CEP295: variants seen among roughly 807,000 people sequenced by gnomAD.
CEP295 encodes centrosomal protein of 295 kDa.
A neutral mutation model predicts 291.6 loss-of-function variants in CEP295; 190 were observed. The observed-to-expected ratio is 0.65, with a 90% CI of 0.58 to 0.73. CEP295 has a LOEUF of 0.73. Among genes scored for constraint, CEP295 ranks in the 30% least tolerant of loss-of-function variants. The probability of loss-of-function intolerance (pLI) is 0.00; values close to 1 mark genes in which losing one functional copy is unlikely to be tolerated. For missense variants in CEP295, 2,863 were observed against 2,949.4 expected (o/e 0.97, Z 0.68); for synonymous variants, 993 against 1,038.8 (o/e 0.96, Z 0.85).
rs1950303967 is a variant in CEP295 at position 93,668,811 on chromosome 11, C to G, written c.313C>G (p.Pro105Ala). ...TTTAAGTAATATATATTTTTAGGAA[C>G]CTGATTTGGATGCTTTGGCACAGCG... ...EGHRQAKENE[P>A]DLDALAQRAA... Residue 105 changes from proline to alanine, a missense_variant, in exon 4 of 30, where the codon CCT becomes GCT. Around this residue, in one of 3 missense-constraint regions of CEP295, gnomAD observed 554 missense variants for 576.0 expected, o/e 0.96. Transcript: ENST00000325212. The G allele has an allele frequency of 2.0e-6, 3 of 1,512,400 alleles. No homozygotes were observed. The highest frequency in any genetic ancestry group is 2.5e-5 in the Admixed American group (1 of 40,356). The allele number at this position is 1,512,400 out of a possible 1,614,324, so 93.7% of individuals were successfully genotyped here.
At chr11:93,712,435 G>A (rs1367695135) in intron 18 of CEP295, among the ~76,000 whole-genome samples, 1 of 152,036 alleles carries the variant, frequency 6.6e-6, no homozygotes, top group Non-Finnish European at 1.5e-5. Context: ...TGTATTTTTA[G>A]TAGAGACGGG....
chr11:93,684,907 C>T (rs1951153460), intron 9 of CEP295, among the ~76,000 whole-genome samples: 1 of 152,118 alleles, frequency 6.6e-6, no homozygotes, highest in Admixed American at 6.5e-5. Flanking sequence ...TCAGTTATTT[C>T]TAGGTACTTC....
At position 93,697,150 on chromosome 11, in the gene CEP295, G is replaced by T. The variant is rs1403856728; in HGVS notation, c.2238G>T (p.Gln746His). Reference protein sequence around the residue: ...ALSHDRQLISQDARKISETFG... With the variant: ...ALSHDRQLISHDARKISETFG... Reference sequence around the variant, plus strand: ...CACATGACAGGCAGCTAATATCACAGGATGCTAGAAAAATATCTGAAACAT... The same window carrying T: ...CACATGACAGGCAGCTAATATCACATGATGCTAGAAAAATATCTGAAACAT... Residue 746 changes from glutamine (Q) to histidine (H), a missense_variant, in exon 15 of 30, where the codon CAG (glutamine) becomes CAT (histidine). Physicochemically the swap from Gln to His is conservative, Grantham distance 24. Transcript: ENST00000325212. 3 of 1,551,736 alleles carry T rather than the reference G, an allele frequency of 1.9e-6. No homozygotes were observed. In the Admixed American group the frequency reaches 5.9e-5, roughly 30 times the overall value.
chr11:93,709,998 C>T (rs1162820726), intron 18 of CEP295, among the ~76,000 whole-genome samples: 1 of 152,156 alleles, frequency 6.6e-6, no homozygotes, highest in African/African-American at 2.4e-5. Context: ...TTGTATCCTG[C>T]AACCGTACTG....
rs1272653367 is a variant in CEP295 at position 93,698,868 on chromosome 11, G to T, written c.3956G>T (p.Ser1319Ile). ...ATCCTGGAACCTCTTTTTACAGAGA[G>T]TGAAAGTAAAATTTTTTCAAGCCAC... Reference protein sequence around the residue: ...GTILEPLFTESESKIFSSHLQ... With the variant: ...GTILEPLFTEIESKIFSSHLQ... Residue 1319 changes from serine (S) to isoleucine (I), a missense_variant, in exon 15 of 30, where the codon AGT becomes ATT. By Grantham distance (142) the Ser-to-Ile change is moderately radical (BLOSUM62 -2). This residue lies in a region of CEP295 where 2,295 missense variants were observed against 2,335.7 expected (regional missense o/e 0.98). Coordinates refer to ENST00000325212, the MANE Select transcript of CEP295 (RefSeq NM_033395.2). 1.3e-6 allele frequency: 2 copies of T among 1,551,630 alleles called. No homozygotes were observed. Among genetic ancestry groups the T allele is most frequent in the African/African-American group, 2.7e-5 (2 of 73,064 alleles).
At chr11:93,696,546 G>C in intron 14 of CEP295, 129 bp downstream of exon 14, 1 of 1,032,620 alleles carries the variant, frequency 9.7e-7, no homozygotes, top group African/African-American at 1.6e-5. Context: ...CATTCTTAAA[G>C]GACAATGTGA....
chr11:93,689,856 T>A (rs915895409), intron 10 of CEP295, among the ~76,000 whole-genome samples: 8 of 152,206 alleles, frequency 5.3e-5, no homozygotes, highest in Admixed American at 5.2e-4. Flanking sequence ...ATTGAATAAT[T>A]TAAAGCAAGA....
At chr11:93,703,712 T>C (rs1313799224) in intron 17 of CEP295, among the ~76,000 whole-genome samples, 2 of 151,786 alleles carry the variant, frequency 1.3e-5, no homozygotes, top group African/African-American at 4.8e-5. Flanking sequence ...TTCACTGTAC[T>C]ACTTTCTACA....
intron 1 of CEP295, among the ~76,000 whole-genome samples, chr11:93,664,644 T>C (rs1450739831): frequency 6.6e-6 from 1 of 152,222 alleles, no homozygotes; most frequent in Non-Finnish European, 1.5e-5. Context: ...CTTACTGAAG[T>C]AACTACCTAT....
chr11:93,673,073 C>T (rs558013369), intron 5 of CEP295, among the ~76,000 whole-genome samples: 2 of 152,286 alleles, frequency 1.3e-5, no homozygotes, highest in South Asian at 4.1e-4. Context: ...TACTAAGATT[C>T]TTCGTAGAGT....
chr11:93,703,105 A>C (rs1483386265), intron 17 of CEP295, among the ~76,000 whole-genome samples, 186 bp downstream of exon 17: 2 of 152,086 alleles, frequency 1.3e-5, no homozygotes, highest in Admixed American at 1.3e-4. Flanking sequence ...CTGGGATTAC[A>C]GGCGCCCGCC....
intron 18 of CEP295, among the ~76,000 whole-genome samples, chr11:93,716,833 G>A (rs983936435): frequency 1.3e-5 from 2 of 152,194 alleles, no homozygotes; most frequent in East Asian, 1.9e-4. Flanking sequence ...GGTTTATCTC[G>A]TAACCTTCAC....
At chr11:93,666,940 A>C (rs4753489) in intron 2 of CEP295, 125 bp downstream of exon 2, 520,508 of 541,068 alleles carry the variant, frequency 0.96, 251,821 homozygotes, top group Non-Finnish European at 0.99. Flanking sequence ...AGCCCTGGTT[A>C]TTTGGTATTA....
intron 25 of CEP295, chr11:93,729,174 A>C: frequency 1.5e-5 from 8 of 541,272 alleles, no homozygotes; most frequent in Non-Finnish European, 2.0e-5. Context: ...GGCAATAAGA[A>C]TAAAGCTATC....
rs996972062 is a variant in CEP295 at position 93,706,765 on chromosome 11, G to C, written c.5617G>C (p.Asp1873His). The change falls in exon 18 of 30, where the codon GAC becomes CAC. Residue 1873 changes from aspartate to histidine, a missense_variant. Transcript: ENST00000325212. ...SILGKPGIYE[D>H]RDPLRVSISR... ...CCCAGGTAAACCAGGTATTTATGAA[G>C]ACAGAGACCCCCTGCGAGTCTCAAT... 6 of 1,543,226 alleles carry C rather than the reference G, an allele frequency of 3.9e-6. No homozygotes were observed. The highest frequency in any genetic ancestry group is 5.2e-6 in the Non-Finnish European group (6 of 1,143,734).
At chr11:93,723,508 T>A in intron 21 of CEP295, 1 of 390,820 alleles carries the variant, frequency 2.6e-6, no homozygotes, top group Non-Finnish European at 4.6e-6. Flanking sequence ...AATTAGCAAA[T>A]CTTCCTTTGC....
At chr11:93,675,738 G>C (rs932810077) in intron 6 of CEP295, 72 bp downstream of exon 6, 3 of 793,124 alleles carry the variant, frequency 3.8e-6, no homozygotes, top group Non-Finnish European at 6.0e-6. Flanking sequence ...TTATATCTTA[G>C]TTATATGTAT....
At position 93,697,534 on chromosome 11, in the gene CEP295, C is replaced by T. The variant is rs1322359694; in HGVS notation, c.2622C>T (p.Cys874=). ...AAGCTCAGGAACAGTTGCTTTTGTG[C>T]AAACAGAAAGAAGTGGAACAGCAAA... ...TQEAQEQLLL[C]KQKEVEQQTG... is the part of the protein sequence containing the mutation. Residue 874 remains cysteine (C), a synonymous_variant, in exon 15 of 30, where the codon TGC becomes TGT. Coordinates refer to ENST00000325212, the MANE Select transcript of CEP295 (RefSeq NM_033395.2). 2.6e-6 allele frequency: 4 copies of T among 1,551,762 alleles called. No individual in the cohort carries two copies. Among genetic ancestry groups the T allele is most frequent in the Non-Finnish European group, 3.5e-6 (4 of 1,146,982 alleles).
intron 7 of CEP295, among the ~76,000 whole-genome samples, chr11:93,681,463 G>T (rs7927030): frequency 0.96 from 127,119 of 132,606 alleles, 61,193 homozygotes; most frequent in East Asian, 1. Context: ...TCACTCAGGC[G>T]GGAGTGCAAT....
Sources: allele counts gnomAD v4.1 joint callset (sites outside exome capture counted in the v4.1 genomes callset), GRCh38; gene constraint gnomAD v4.1.1; regional missense constraint gnomAD v4.1.1; transcripts MANE v1.5; gene names NCBI Gene and HGNC (gene_info 2026-07-23, HGNC 2026-07-21).